The following PAK5 variants were observed in gnomAD, a reference collection of about 807,000 sequenced individuals.
The protein encoded by PAK5 is serine/threonine-protein kinase PAK 5.
PAK5 carries 16 observed loss-of-function variants against 65.9 expected under a neutral mutation model. That is an observed-to-expected ratio of 0.24 (90% confidence interval 0.16 to 0.37). The LOEUF is 0.37. Ranked by LOEUF, PAK5 falls within the 10% of genes least tolerant of loss-of-function variation. The pLI, the probability that PAK5 is intolerant of heterozygous loss-of-function variation, is 1.00. For missense variants in PAK5, 785 were observed against 903.9 expected, an observed-to-expected ratio of 0.87 and a Z score of 1.69; for synonymous variants, 371 against 354.9, an observed-to-expected ratio of 1.05 and a Z score of -0.51.
At chr20:9,640,278 T>G (rs1384629208) in intron 3 of PAK5, among the ~76,000 whole-genome samples, 4 of 145,730 alleles carry the variant, frequency 2.7e-5, no homozygotes, top group Non-Finnish European at 6.0e-5. Context: ...GTTCTTATTG[T>G]TCACTTCCCA....
At chr20:9,588,408 G>T (rs552059354) in intron 3 of PAK5, among the ~76,000 whole-genome samples, 1 of 152,108 alleles carries the variant, frequency 6.6e-6, no homozygotes, top group Non-Finnish European at 1.5e-5. Context: ...ACACTCTTCC[G>T]TTTCAATGAA....
At chr20:9,759,970 A>G (rs2048679729) in intron 1 of PAK5, among the ~76,000 whole-genome samples, 2 of 152,190 alleles carry the variant, frequency 1.3e-5, no homozygotes, top group African/African-American at 4.8e-5. Context: ...TTGAGCTGCA[A>G]AAAGCTGCTA....
chr20:9,676,438 T>A (rs1010326560), intron 2 of PAK5, among the ~76,000 whole-genome samples: 1 of 152,206 alleles, frequency 6.6e-6, no homozygotes, highest in Non-Finnish European at 1.5e-5. Flanking sequence ...TAAACTACAA[T>A]TACAATTTCT....
intron 3 of PAK5, among the ~76,000 whole-genome samples, chr20:9,597,528 G>A (rs890185510): frequency 6.6e-6 from 1 of 152,136 alleles, no homozygotes; most frequent in Non-Finnish European, 1.5e-5. Context: ...AACCAAACTC[G>A]AGTAGGTTGA....
In PAK5 at chr20:9,649,264, T is replaced by G. The variant is rs185515984; in HGVS notation, c.-11-4925A>C. ...GAAAAAATGAATTACATAAGGTCCCTTTGTGGGACATTTCAAGGTCTTTAT... is the reference window on the plus strand; with the variant it reads ...GAAAAAATGAATTACATAAGGTCCCGTTGTGGGACATTTCAAGGTCTTTAT... On this transcript the variant is annotated intron_variant, in intron 2 of 9. Transcript: ENST00000353224. Among the ~76,000 whole-genome samples, 280 of 152,362 alleles carry G rather than the reference T, an allele frequency of 1.8e-3. 1 individual carries two copies. The highest frequency in any genetic ancestry group is 6.2e-3 in the African/African-American group (257 of 41,582).
At chr20:9,546,202 T>C (rs564086888) in intron 7 of PAK5, among the ~76,000 whole-genome samples, 57 of 152,314 alleles carry the variant, frequency 3.7e-4, no homozygotes, top group African/African-American at 1.3e-3. Context: ...AACATCCCTA[T>C]CTGCATGAGT....
At chr20:9,705,380 A>G (rs2047993129) in intron 2 of PAK5, among the ~76,000 whole-genome samples, 1 of 152,174 alleles carries the variant, frequency 6.6e-6, no homozygotes, top group Non-Finnish European at 1.5e-5. Flanking sequence ...TCCATTTCAC[A>G]CTCAATTGAT....
intron 7 of PAK5, among the ~76,000 whole-genome samples, chr20:9,547,063 A>G (rs531836322): frequency 6.6e-6 from 1 of 152,308 alleles, no homozygotes; most frequent in East Asian, 1.9e-4. Context: ...GACAGGCCCT[A>G]AATTGCATGA....
chr20:9,655,662 G>A (rs111276184), intron 2 of PAK5, among the ~76,000 whole-genome samples: 14 of 152,152 alleles, frequency 9.2e-5, no homozygotes, highest in African/African-American at 2.6e-4. Flanking sequence ...GCATAAATAC[G>A]AGCACATCTG....
At chr20:9,622,282 C>G (rs146390688) in intron 3 of PAK5, among the ~76,000 whole-genome samples, 98 of 152,146 alleles carry the variant, frequency 6.4e-4, no homozygotes, top group Non-Finnish European at 7.1e-4. Context: ...AATATGGTAC[C>G]CACTAGACAT....
intron 1 of PAK5, among the ~76,000 whole-genome samples, chr20:9,715,804 C>G (rs188181564): frequency 6.6e-6 from 1 of 151,192 alleles, no homozygotes; most frequent in Non-Finnish European, 1.5e-5. Context: ...GGAGAAAAAA[C>G]CAAACACCAT....
chr20:9,681,328 A>G (rs938567452), intron 2 of PAK5, among the ~76,000 whole-genome samples: 1 of 151,654 alleles, frequency 6.6e-6, no homozygotes, highest in African/African-American at 2.4e-5. Context: ...TTTCTTTTTT[A>G]TTTCATCCAG....
intron 3 of PAK5, among the ~76,000 whole-genome samples, chr20:9,636,080 C>A (rs1004307378): frequency 6.6e-6 from 1 of 152,074 alleles, no homozygotes; most frequent in African/African-American, 2.4e-5. Flanking sequence ...TGAGAAGGAA[C>A]CTTGGGGAAA....
intron 1 of PAK5, among the ~76,000 whole-genome samples, chr20:9,730,818 T>C (rs1385152540): frequency 6.6e-6 from 1 of 152,248 alleles, no homozygotes; most frequent in African/African-American, 2.4e-5. Flanking sequence ...GTGCTAACCC[T>C]TGATCTATTA....
At chr20:9,631,308 G>A (rs1050688669) in intron 3 of PAK5, among the ~76,000 whole-genome samples, 4 of 152,078 alleles carry the variant, frequency 2.6e-5, no homozygotes, top group East Asian at 1.9e-4. Context: ...CTTCTGTGTC[G>A]TTACATGTCA....
rs983756916 is a variant in PAK5, at chr20:9,537,449, A to T, written c.*2013T>A. 2.9e-5 allele frequency: 6 copies of T among 209,026 alleles called. No homozygotes were observed. Among genetic ancestry groups the T allele is most frequent in the African/African-American group, 1.1e-4 (5 of 43,964 alleles). 12.9% of individuals were successfully genotyped at this position (209,026 alleles called of 1,614,324 possible). A position where few individuals can be genotyped will look rare whatever the true frequency, so the allele number is the denominator to read the frequency against. ...GTTTCTGCCAATAGTTAGTGCTCACAAAACCTTTTAAGCTACAGTAACTTT... is the reference window on the plus strand; with the variant it reads ...GTTTCTGCCAATAGTTAGTGCTCACTAAACCTTTTAAGCTACAGTAACTTT... On this transcript the variant is annotated 3_prime_UTR_variant, in exon 10 of 10. Coordinates refer to ENST00000353224, the MANE Select transcript of PAK5 (RefSeq NM_177990.4).
chr20:9,700,655 T>C (rs1269482833), intron 2 of PAK5, among the ~76,000 whole-genome samples: 1 of 151,952 alleles, frequency 6.6e-6, no homozygotes, highest in Non-Finnish European at 1.5e-5. Context: ...GAGAAGAAAA[T>C]CCCAAGCAAT....
chr20:9,610,652 G>A (rs1422912972), intron 3 of PAK5, among the ~76,000 whole-genome samples: 1 of 152,172 alleles, frequency 6.6e-6, no homozygotes, highest in East Asian at 1.9e-4. Context: ...CTGTTGACAG[G>A]CTACATAGAT....
intron 9 of PAK5, among the ~76,000 whole-genome samples, 154 bp from the exon 10 acceptor site, chr20:9,539,771 T>C (rs962239043): frequency 6.6e-6 from 1 of 152,250 alleles, no homozygotes; most frequent in African/African-American, 2.4e-5. Flanking sequence ...TGTCTTGTCT[T>C]TGTTAACATT....
Sources: allele counts gnomAD v4.1 joint callset (sites outside exome capture counted in the v4.1 genomes callset), GRCh38; gene constraint gnomAD v4.1.1; transcripts MANE v1.5; gene names NCBI Gene and HGNC (gene_info 2026-07-23, HGNC 2026-07-21).